Variants in RIC3 observed in about 807,000 individuals in gnomAD.
RIC3 encodes RIC3 acetylcholine receptor chaperone.
A neutral mutation model predicts 27.3 loss-of-function variants in RIC3; 28 were observed. The ratio of observed to expected loss-of-function variants is 1.02; its 90% CI spans 0.76 to 1.41. The LOEUF (loss-of-function observed/expected upper bound fraction) is 1.41, where lower values mean the gene tolerates loss of function less well. RIC3 is among the 40% of genes most tolerant of loss of function. The pLI is 0.00. For synonymous variants in RIC3, 184 were observed against 160.4 expected, an observed-to-expected ratio of 1.15 and a Z score of -1.11; for missense variants, 501 against 444.7, an observed-to-expected ratio of 1.13 and a Z score of -1.14.
rs1000828278 is a variant in RIC3 at position 8,107,145 on chromosome 11, G to T, written c.*3553C>A. 4 of 152,206 alleles carry T rather than the reference G, an allele frequency of 2.6e-5. No individual in the cohort carries two copies. Among genetic ancestry groups the T allele is most frequent in the Non-Finnish European group, 4.4e-5 (3 of 68,020 alleles). 9.4% of individuals were successfully genotyped at this position (152,206 alleles called of 1,614,324 possible). On this transcript the variant is annotated 3_prime_UTR_variant, in exon 6 of 6. Coordinates refer to ENST00000309737, the MANE Select transcript of RIC3 (RefSeq NM_001206671.4). Reference sequence around the variant, plus strand: ...GGAAAAGGAAGCACATTTTAGAAAAGTCAATGGTCAAGGCAAAGTCATAAA... The same window carrying T: ...GGAAAAGGAAGCACATTTTAGAAAATTCAATGGTCAAGGCAAAGTCATAAA...
In RIC3 at chr11:8,110,385, C is replaced by T; in HGVS notation, c.*313G>A. 1 of 435,360 alleles carries T rather than the reference C, an allele frequency of 2.3e-6. No individual in the cohort carries two copies. The highest frequency in any genetic ancestry group is 3.5e-5 in the Admixed American group (1 of 28,780). 27.0% of individuals were successfully genotyped at this position (435,360 alleles called of 1,614,324 possible). A position where few individuals can be genotyped will look rare whatever the true frequency, so the allele number is the denominator to read the frequency against. On this transcript the variant is annotated 3_prime_UTR_variant, in exon 6 of 6. Coordinates refer to ENST00000309737, the MANE Select transcript of RIC3 (RefSeq NM_001206671.4). Reference sequence around the variant, plus strand: ...GTTACACCTACCAGGAAGAGTCAGACCTTTGCCCCTGAGTGGTCCCATCTG... The same window carrying T: ...GTTACACCTACCAGGAAGAGTCAGATCTTTGCCCCTGAGTGGTCCCATCTG...
At chr11:8,148,963 G>A (rs1319772248) in intron 1 of RIC3, among the ~76,000 whole-genome samples, 2 of 150,204 alleles carry the variant, frequency 1.3e-5, no homozygotes, top group Middle Eastern at 3.2e-3. Flanking sequence ...GGCAGATCAC[G>A]AGGTCAGGAG....
chr11:8,100,633 C>T, the RIC3 span: 6 of 1,598,278 alleles, frequency 3.8e-6, no homozygotes, highest in Middle Eastern at 1.7e-4. Flanking sequence ...CCCTCTTTCC[C>T]CATCATCCTA....
At chr11:8,121,593 G>A (rs1946459711) in intron 5 of RIC3, among the ~76,000 whole-genome samples, 1 of 152,034 alleles carries the variant, frequency 6.6e-6, no homozygotes, top group African/African-American at 2.4e-5. Flanking sequence ...GCACATGACT[G>A]TAGTCCCAGC....
intron 1 of RIC3, among the ~76,000 whole-genome samples, chr11:8,161,364 C>G (rs927330200): frequency 6.6e-6 from 1 of 152,194 alleles, no homozygotes; most frequent in Admixed American, 6.5e-5. Flanking sequence ...TACTTTTCCT[C>G]CATTCCTATT....
At chr11:8,112,476 G>A (rs866225539) in intron 5 of RIC3, among the ~76,000 whole-genome samples, 2 of 151,920 alleles carry the variant, frequency 1.3e-5, no homozygotes, top group South Asian at 2.1e-4. Flanking sequence ...TGTATTTTTA[G>A]CAGAGACGGG....
chr11:8,152,412 T>C (rs11041769), intron 1 of RIC3, among the ~76,000 whole-genome samples: 3,942 of 152,318 alleles, frequency 0.026, 87 homozygotes, highest in South Asian at 0.081. Flanking sequence ...TACTGATCCA[T>C]ACTACAACAT....
the RIC3 span, chr11:8,099,001 C>T: frequency 2.7e-6 from 2 of 741,128 alleles, no homozygotes; most frequent in Non-Finnish European, 4.7e-6. Flanking sequence ...AGGGGCTGTC[C>T]TCTGTGGAGT....
chr11:8,099,735 T>C, the RIC3 span, among the ~76,000 whole-genome samples: 1 of 152,124 alleles, frequency 6.6e-6, no homozygotes, highest in Non-Finnish European at 1.5e-5. Flanking sequence ...TGTCAAGGTA[T>C]GTGTGAGAAT....
chr11:8,123,951 G>A (rs1590134130), intron 5 of RIC3, among the ~76,000 whole-genome samples: 1 of 150,832 alleles, frequency 6.6e-6, no homozygotes, highest in African/African-American at 2.4e-5. Flanking sequence ...GTGCATGCCT[G>A]TAGGCTCAGC....
chr11:8,159,754 G>A (rs1486157400), intron 1 of RIC3, among the ~76,000 whole-genome samples: 1 of 152,124 alleles, frequency 6.6e-6, no homozygotes, highest in African/African-American at 2.4e-5. Flanking sequence ...ACTCTGGGAG[G>A]CCAAGGCAGG....
chr11:8,114,381 G>C (rs1420812295), intron 5 of RIC3, among the ~76,000 whole-genome samples: 1 of 152,048 alleles, frequency 6.6e-6, no homozygotes, highest in Admixed American at 6.5e-5. Flanking sequence ...AAGACAAATG[G>C]ATCACCTGAG....
chr11:8,156,120 C>T (rs958100621), intron 1 of RIC3, among the ~76,000 whole-genome samples: 3 of 147,526 alleles, frequency 2.0e-5, no homozygotes, highest in African/African-American at 5.0e-5. Context: ...GCACAGGGCC[C>T]GATCCACACA....
In RIC3 at chr11:8,106,065, CTG is replaced by C. The variant is rs759342265; in HGVS notation, c.*4631_*4632del. 7 of 152,160 alleles carry C rather than the reference CTG, an allele frequency of 4.6e-5. No individual in the cohort carries two copies. The highest frequency in any genetic ancestry group is 2.1e-4 in the South Asian group (1 of 4,832). 9.4% of individuals were successfully genotyped at this position (152,160 alleles called of 1,614,324 possible). ...TGGCGTTTTAGACAAATTTGCAAAACTGTGCTTTTATTGACTTTTTGAATAAA... is the reference window on the plus strand; with the variant it reads ...TGGCGTTTTAGACAAATTTGCAAAACTGCTTTTATTGACTTTTTGAATAAA... On this transcript the variant is annotated 3_prime_UTR_variant, in exon 6 of 6. Transcript: ENST00000309737.
intron 1 of RIC3, among the ~76,000 whole-genome samples, chr11:8,157,137 C>A (rs1003951428): frequency 2.0e-5 from 3 of 152,054 alleles, no homozygotes; most frequent in Non-Finnish European, 2.9e-5. Flanking sequence ...GTGATCATGA[C>A]GGATCAAGAC....
chr11:8,117,961 G>A (rs780050209), intron 5 of RIC3, among the ~76,000 whole-genome samples: 7 of 151,990 alleles, frequency 4.6e-5, no homozygotes, highest in South Asian at 2.1e-4. Flanking sequence ...GGTCGCTCAC[G>A]CCTGTAATCC....
At position 8,140,022 on chromosome 11, in the gene RIC3, A is replaced by C. The variant is rs765348797; in HGVS notation, c.296T>G (p.Ile99Ser). The C allele has an allele frequency of 1.2e-6, 2 of 1,613,994 alleles. No homozygotes were observed. The highest frequency in any genetic ancestry group is 1.3e-5 in the African/African-American group (1 of 74,916). ...GGSGRGLMGQ[I>S]IPIYGFGIFL... ...AATCCCAAAACCGTAGATTGGAATA[A>C]TCTGCCCCATCAGACCTCTTCCACT... The change falls in exon 2 of 6, where the codon ATT becomes AGT. Residue 99 changes from isoleucine to serine, a missense_variant. Ile to Ser is a moderately radical substitution (Grantham distance 142). Transcript: ENST00000309737.
At position 8,143,895 on chromosome 11, in the gene RIC3, C is replaced by A. The variant is rs137995660; in HGVS notation, c.125-3702G>T. 5.9e-3 allele frequency among the ~76,000 whole-genome samples: 900 copies of A among 152,236 alleles called. 11 individuals are homozygous for A. Among genetic ancestry groups the A allele is most frequent in the African/African-American group, 0.021 (853 of 41,522 alleles). On this transcript the variant is annotated intron_variant, in intron 1 of 5. Transcript: ENST00000309737. ...CGCCGCATATCTACAACGATCAGACCTTTGACAAACCTGAGAAAAACAAGC... is the reference window on the plus strand; with the variant it reads ...CGCCGCATATCTACAACGATCAGACATTTGACAAACCTGAGAAAAACAAGC...
intron 1 of RIC3, among the ~76,000 whole-genome samples, chr11:8,168,628 C>A (rs544517762): frequency 6.6e-6 from 1 of 152,334 alleles, no homozygotes; most frequent in East Asian, 1.9e-4. Flanking sequence ...AGAGGATGCA[C>A]AGACCTGCAT....
Sources: gnomAD v4.1 joint callset for allele counts (sites outside exome capture counted in the v4.1 genomes callset) on GRCh38, gnomAD v4.1.1 for gene constraint, MANE v1.5 for transcripts, NCBI Gene and HGNC (gene_info 2026-07-23, HGNC 2026-07-21) for gene names.